The following ITGA7 variants were observed in gnomAD, a reference collection of about 807,000 sequenced individuals.
ITGA7 encodes the protein integrin alpha-7.
In ITGA7, 84 loss-of-function variants were observed where a neutral mutation model predicts 131.6. That is an observed-to-expected ratio of 0.64 (90% confidence interval 0.54 to 0.77). ITGA7 has a LOEUF of 0.77. Among genes scored for constraint, ITGA7 ranks in the 30% least tolerant of loss-of-function variants. ITGA7 has a pLI of 0.00. For synonymous variants in ITGA7, 548 were observed against 600.7 expected (o/e 0.91, Z 1.28); for missense variants, 1,399 against 1,482.9 (o/e 0.94, Z 0.93).
At chr12:55,700,054 A>AT (rs1873622863) in intron 4 of ITGA7, 65 bp from the exon 5 acceptor site, 1 of 1,583,966 alleles carries the variant, frequency 6.3e-7, no homozygotes, top group African/African-American at 1.4e-5. Context: ...GAGTAGGGAG[A>AT]CAGAGCCACA....
At chr12:55,715,112 G>C (rs758973932), upstream of ITGA7, among the ~76,000 whole-genome samples, 8 of 152,140 alleles carry the variant, frequency 5.3e-5, no homozygotes, top group Non-Finnish European at 7.4e-5. Context: ...GCCCGCCTCG[G>C]CCTCCCAAAG....
upstream of ITGA7, among the ~76,000 whole-genome samples, chr12:55,709,146 TG>T (rs1316472500): frequency 6.6e-6 from 1 of 152,216 alleles, no homozygotes; most frequent in Non-Finnish European, 1.5e-5. Flanking sequence ...AATTCTATTT[TG>T]TCATCATTCT....
rs7953669 is a variant in ITGA7, at chr12:55,694,422, T to A, written c.2357+21A>T. 6.2e-7 allele frequency: 1 copy of A among 1,613,780 alleles called. No homozygotes were observed. The highest frequency in any genetic ancestry group is 8.5e-7 in the Non-Finnish European group (1 of 1,179,786). On this transcript the variant is annotated intron_variant, in intron 17 of 24. Transcript: ENST00000257879. The surrounding 1 kb of genome is among the most constrained non-coding windows in gnomAD (Gnocchi z 5.3). ...CAATATGACTACCCCCACCTCACCCTTCCGGCCCCGCCTGGCTTACGTGGC... is the reference window on the plus strand; with the variant it reads ...CAATATGACTACCCCCACCTCACCCATCCGGCCCCGCCTGGCTTACGTGGC...
chr12:55,706,104 G>A (rs112811314), intron 1 of ITGA7, among the ~76,000 whole-genome samples: 36 of 152,214 alleles, frequency 2.4e-4, no homozygotes, highest in Non-Finnish European at 2.9e-5. Flanking sequence ...GAAATGACAA[G>A]AGACCAAGCT....
intron 24 of ITGA7, among the ~76,000 whole-genome samples, chr12:55,687,672 T>C (rs888901922): frequency 2.7e-5 from 4 of 149,510 alleles, no homozygotes; most frequent in African/African-American, 9.9e-5. Context: ...GTATTTTAAG[T>C]AGAGATGGGG....
chr12:55,715,273 A>C (rs1035003302), upstream of ITGA7, among the ~76,000 whole-genome samples: 2 of 152,198 alleles, frequency 1.3e-5, no homozygotes, highest in African/African-American at 4.8e-5. Flanking sequence ...TAGTTTTACT[A>C]AAGAGAAAAC....
chr12:55,689,400 C>T (rs1003495657), intron 21 of ITGA7, among the ~76,000 whole-genome samples: 1 of 152,190 alleles, frequency 6.6e-6, no homozygotes, highest in African/African-American at 2.4e-5. Flanking sequence ...AGTGGTGGAG[C>T]AAATATTTGA....
At chr12:55,703,305 G>A in intron 1 of ITGA7, 127 bp from the exon 2 acceptor site, 2 of 1,045,264 alleles carry the variant, frequency 1.9e-6, no homozygotes, top group Non-Finnish European at 2.7e-6. Context: ...AAGAGAAGGG[G>A]CAAATGTCAG....
chr12:55,706,162 C>A (rs1875137881), intron 1 of ITGA7, among the ~76,000 whole-genome samples: 1 of 152,192 alleles, frequency 6.6e-6, no homozygotes, highest in African/African-American at 2.4e-5. Context: ...GAGAGTTCAG[C>A]ATGTCCTAAA....
intron 24 of ITGA7, 47 bp from the exon 25 acceptor site, chr12:55,685,335 T>C: frequency 1.9e-6 from 3 of 1,566,544 alleles, no homozygotes; most frequent in Non-Finnish European, 1.8e-6. Context: ...AGAGCTGCGG[T>C]CCCTGGAGCA....
chr12:55,700,167 C>T, intron 4 of ITGA7, 178 bp from the exon 5 acceptor site: 1 of 1,475,074 alleles, frequency 6.8e-7, no homozygotes, highest in Non-Finnish European at 9.2e-7. Context: ...AGGTGAGAGA[C>T]AGAAACAGAG....
Position 55,707,820 on chromosome 12 carries a change from G to GGCCCGACC in ITGA7, c.-139_-138insGGTCGGGC. ...CGTCTCCCAGACGTTCGCCCCGCCA[G>GGCCCGACC]CCCTCCCGCCCGCCCGCCGCTCCGC... On this transcript the variant is annotated 5_prime_UTR_variant, in exon 1 of 25. Transcript: ENST00000257879. 11 of 1,455,768 alleles carry GGCCCGACC rather than the reference G, an allele frequency of 7.6e-6. No homozygotes were observed. Among genetic ancestry groups the GGCCCGACC allele is most frequent in the African/African-American group, 1.5e-5 (1 of 67,534 alleles). The allele number at this position is 1,455,768 out of a possible 1,614,324, so 90.2% of individuals were successfully genotyped here.
chr12:55,692,196 C>T (rs1322388659), intron 21 of ITGA7, among the ~76,000 whole-genome samples: 1 of 152,150 alleles, frequency 6.6e-6, no homozygotes, highest in African/African-American at 2.4e-5. Flanking sequence ...ACAGATCGCT[C>T]GAGGTTAGGA....
At chr12:55,710,967 A>G (rs1876055324), upstream of ITGA7, among the ~76,000 whole-genome samples, 1 of 152,310 alleles carries the variant, frequency 6.6e-6, no homozygotes, top group Non-Finnish European at 1.5e-5. Context: ...CCAAATCTAT[A>G]CAAGATATAA....
intron 4 of ITGA7, chr12:55,700,667 C>T: frequency 4.6e-6 from 3 of 655,918 alleles, no homozygotes; most frequent in South Asian, 1.9e-5. Flanking sequence ...GCAGGCCCAG[C>T]GTGCACTTGG....
Position 55,696,316 on chromosome 12 carries a change from G to T in ITGA7, c.1854C>A (p.Leu618=). 6.3e-7 allele frequency: 1 copy of T among 1,581,862 alleles called. No homozygotes were observed. The highest frequency in any genetic ancestry group is 2.3e-5 in the East Asian group (1 of 43,478). ...GCTGGGTGCTGGGCTGGTGGGCATT[G>T]AGGATGGGGGCCACTGGAGGCAGCC... The part of the protein sequence containing the change: ...GQGLPPVAPI[L]NAHQPSTQRA... Residue 618 remains leucine, a synonymous_variant, in exon 13 of 25, where the codon CTC becomes CTA. Transcript: ENST00000257879.
At chr12:55,712,460 T>C (rs1876206132), upstream of ITGA7, 3 of 600,560 alleles carry the variant, frequency 5.0e-6, no homozygotes, top group Admixed American at 8.8e-5. Context: ...CTTCCAGCCC[T>C]GTTTGGCCCA....
chr12:55,700,211 G>A, intron 4 of ITGA7: 1 of 1,566,798 alleles, frequency 6.4e-7, no homozygotes, highest in Non-Finnish European at 8.6e-7. Flanking sequence ...GAGAGGACAA[G>A]AGAGAGGAGC....
chr12:55,698,040 G>A lies in ITGA7; in HGVS notation c.1193-14C>T. The A allele has an allele frequency of 6.2e-7, 1 of 1,613,172 alleles. No individual in the cohort carries two copies. Among genetic ancestry groups the A allele is most frequent in the Admixed American group, 1.7e-5 (1 of 60,016 alleles). On this transcript the variant is annotated splice_polypyrimidine_tract_variant and intron_variant, in intron 7 of 24. Transcript: ENST00000257879. ...CCACTGCAATATCTGCAGGGCACAGGGAAAAGGCAGTCACGCTGGCTGGGG... is the reference window on the plus strand; with the variant it reads ...CCACTGCAATATCTGCAGGGCACAGAGAAAAGGCAGTCACGCTGGCTGGGG...
Sources: allele counts gnomAD v4.1 joint callset (sites outside exome capture counted in the v4.1 genomes callset), GRCh38; gene constraint gnomAD v4.1.1; non-coding constraint Gnocchi (gnomAD v3.1); transcripts MANE v1.5; gene names NCBI Gene and HGNC (gene_info 2026-07-23, HGNC 2026-07-21).